The following SNRPG variants were observed in gnomAD, a reference collection of about 807,000 sequenced individuals.
The protein encoded by SNRPG is small nuclear ribonucleoprotein G.
Under a neutral mutation model 13.9 loss-of-function variants are expected in SNRPG, and 3 were observed. That is an observed-to-expected ratio of 0.22 (90% confidence interval 0.10 to 0.56). SNRPG has a LOEUF of 0.56. Among genes scored for constraint, SNRPG ranks in the 20% least tolerant of loss-of-function variants. The pLI is 0.93. For missense variants in SNRPG, 34 were observed against 96.1 expected, an observed-to-expected ratio of 0.35 and a Z score of 2.70; for synonymous variants, 29 against 29.3, an observed-to-expected ratio of 0.99 and a Z score of 0.03.
chr2:70,293,043 T>A, intron 1 of SNRPG: 1 of 654,748 alleles, frequency 1.5e-6, no homozygotes. Flanking sequence ...AAAATGAATG[T>A]TCTTATATAG....
At chr2:70,289,549 C>T (rs932438991) in intron 1 of SNRPG, among the ~76,000 whole-genome samples, 177 bp from the exon 2 acceptor site, 18 of 152,150 alleles carry the variant, frequency 1.2e-4, no homozygotes, top group African/African-American at 3.9e-4. Flanking sequence ...AGGTAGCTCA[C>T]GCCTGTAATC....
intron 3 of SNRPG, chr2:70,287,173 C>A (rs1696962538): frequency 1.7e-6 from 1 of 604,030 alleles, no homozygotes; most frequent in South Asian, 2.0e-5. Context: ...ATTAAACAGG[C>A]AGAGATGTCA....
chr2:70,292,908 G>A (rs757330918), intron 1 of SNRPG: 1 of 530,652 alleles, frequency 1.9e-6, no homozygotes, highest in East Asian at 3.0e-5. Context: ...AAAGCTTTAC[G>A]TTGAGTCCTA....
At chr2:70,289,225 T>G in intron 2 of SNRPG, 125 bp downstream of exon 2, 1 of 547,088 alleles carries the variant, frequency 1.8e-6, no homozygotes, top group Non-Finnish European at 3.4e-6. Context: ...AGTGCTGGGA[T>G]TACAGCCGTG....
At chr2:70,293,478 G>T in intron 1 of SNRPG, 140 bp downstream of exon 1, 2 of 825,486 alleles carry the variant, frequency 2.4e-6, no homozygotes, top group Non-Finnish European at 4.3e-6. Flanking sequence ...GCGGGAGCCT[G>T]GCCGGGATCC....
intron 2 of SNRPG, among the ~76,000 whole-genome samples, chr2:70,288,596 G>A (rs1422729005): frequency 6.6e-6 from 1 of 152,102 alleles, no homozygotes; most frequent in Non-Finnish European, 1.5e-5. Context: ...TACAGCTACT[G>A]TACGACAGAA....
At chr2:70,283,128 CAAACCA>C (rs1460246109) in intron 3 of SNRPG, among the ~76,000 whole-genome samples, 9 of 64,966 alleles carry the variant, frequency 1.4e-4, no homozygotes, top group Non-Finnish European at 2.6e-4. Flanking sequence ...AAAAAAACAA[CAAACCA>C]AAACCAAAAC....
At chr2:70,288,262 G>A (rs982447810) in intron 2 of SNRPG, 70 bp from the exon 3 acceptor site, 2 of 1,368,984 alleles carry the variant, frequency 1.5e-6, no homozygotes, top group Admixed American at 3.4e-5. Flanking sequence ...TAAAAATCAG[G>A]TGGGATAAAA....
At chr2:70,282,515 T>C (rs1004238545) in intron 3 of SNRPG, among the ~76,000 whole-genome samples, 1 of 152,126 alleles carries the variant, frequency 6.6e-6, no homozygotes, top group Non-Finnish European at 1.5e-5. Flanking sequence ...CTAATTTGAA[T>C]GCAGTAAAAA....
intron 1 of SNRPG, chr2:70,293,137 A>C (rs1697145964): frequency 1.4e-6 from 1 of 702,302 alleles, no homozygotes; most frequent in Non-Finnish European, 2.6e-6. Flanking sequence ...TTCTAAGTAA[A>C]AGCTCAAACA....
chr2:70,284,186 A>G (rs1371678903), intron 3 of SNRPG, among the ~76,000 whole-genome samples: 1 of 152,206 alleles, frequency 6.6e-6, no homozygotes, highest in Non-Finnish European at 1.5e-5. Context: ...GACTGGGACT[A>G]GCTATGCTGA....
intron 1 of SNRPG, among the ~76,000 whole-genome samples, chr2:70,290,729 T>TAATCCCAGC (rs1697063456): frequency 6.8e-6 from 1 of 146,376 alleles, no homozygotes; most frequent in Admixed American, 7.1e-5. Flanking sequence ...CTCATGCTTG[T>TAATCCCAGC]AATCCCAGCA....
intron 3 of SNRPG, among the ~76,000 whole-genome samples, chr2:70,283,096 C>CAAAAAAAAAAAAAAAAAAAAAAAAAAAA (rs57862220): frequency 1.4e-4 from 2 of 14,044 alleles, no homozygotes; most frequent in African/African-American, 3.4e-4. Flanking sequence ...TGTCTTTTGT[C>CAAAAAAAAAAAAAAAAAAAAAAAAAAAA]AAAAAAAAAA....
chr2:70,285,578 G>A (rs181182609), intron 3 of SNRPG, among the ~76,000 whole-genome samples: 1 of 151,898 alleles, frequency 6.6e-6, no homozygotes, highest in Non-Finnish European at 1.5e-5. Flanking sequence ...TCATACACAC[G>A]CGCGTGCACA....
At chr2:70,289,857 C>G (rs1288599974) in intron 1 of SNRPG, among the ~76,000 whole-genome samples, 1 of 151,774 alleles carries the variant, frequency 6.6e-6, no homozygotes, top group African/African-American at 2.4e-5. Flanking sequence ...ATTAGACATT[C>G]TAGGAAGCAA....
intron 3 of SNRPG, among the ~76,000 whole-genome samples, chr2:70,286,056 A>T (rs1441931247): frequency 1.3e-5 from 2 of 152,152 alleles, no homozygotes; most frequent in East Asian, 3.9e-4. Flanking sequence ...CCTCCTGAGT[A>T]GCTGGGACTA....
intron 2 of SNRPG, 31 bp downstream of exon 2, chr2:70,289,319 A>G (rs563695149): frequency 7.6e-7 from 1 of 1,311,536 alleles, no homozygotes; most frequent in Non-Finnish European, 1.1e-6. Flanking sequence ...TTAAATAATT[A>G]AAAAAAACCC....
At chr2:70,287,065 T>C (rs1696959677) in intron 3 of SNRPG, among the ~76,000 whole-genome samples, 1 of 152,178 alleles carries the variant, frequency 6.6e-6, no homozygotes, top group South Asian at 2.1e-4. Flanking sequence ...AACTGTTTTT[T>C]CAGTCATAAC....
chr2:70,282,131 G>C (rs1260290660), intron 3 of SNRPG, among the ~76,000 whole-genome samples: 1 of 152,104 alleles, frequency 6.6e-6, no homozygotes, highest in African/African-American at 2.4e-5. Flanking sequence ...GGCCAGGCTG[G>C]TGTCAAACTC....
Sources: gnomAD v4.1 joint callset for allele counts (sites outside exome capture counted in the v4.1 genomes callset) on GRCh38, gnomAD v4.1.1 for gene constraint, MANE v1.5 for transcripts, NCBI Gene and HGNC (gene_info 2026-07-23, HGNC 2026-07-21) for gene names.